Variants in RALGAPA2 observed in about 807,000 individuals in gnomAD.
RALGAPA2 encodes ral GTPase-activating protein subunit alpha-2.
Under a neutral mutation model 230.4 loss-of-function variants are expected in RALGAPA2, and 139 were observed. The observed-to-expected ratio is 0.60, with a 90% CI of 0.53 to 0.69. The LOEUF (loss-of-function observed/expected upper bound fraction) is 0.69, where lower values mean the gene tolerates loss of function less well. Ranked by LOEUF, RALGAPA2 falls within the 30% of genes least tolerant of loss-of-function variation. RALGAPA2 has a pLI of 0.00. For synonymous variants in RALGAPA2, 847 were observed against 837.8 expected, an observed-to-expected ratio of 1.01 and a Z score of -0.19; for missense variants, 2,163 against 2,276.0, an observed-to-expected ratio of 0.95 and a Z score of 1.01.
rs754212626 is a variant in RALGAPA2 at position 20,573,043 on chromosome 20, G to T, written c.2733C>A (p.Asp911Glu). The T allele has an allele frequency of 6.2e-7, 1 of 1,608,886 alleles. No individual in the cohort carries two copies. The highest frequency in any genetic ancestry group is 1.1e-5 in the South Asian group (1 of 89,816). Residue 911 changes from aspartate (D) to glutamate (E), a missense_variant, in exon 21 of 40, where the codon GAC (aspartate) becomes GAA (glutamate). Transcript: ENST00000202677. ...LTDSSECLTD[D>E]CSIIAGGSLT... is the part of the protein sequence containing the mutation. The stretch of plus-strand genomic sequence containing the variant: ...GGCTCCCCCCGGCGATTATACTACA[G>T]TCATCTGTGAGGCACTCGCTGCTAT...
At chr20:20,572,010 C>T (rs1015120013) in intron 21 of RALGAPA2, 64 bp from the exon 22 acceptor site, 2 of 1,142,850 alleles carry the variant, frequency 1.8e-6, no homozygotes, top group Non-Finnish European at 1.3e-6. Context: ...AGTATTTCAA[C>T]AGTCTTCTGT....
intron 34 of RALGAPA2, 87 bp from the exon 35 acceptor site, chr20:20,503,593 AAATT>A (rs1471975717): frequency 6.3e-6 from 7 of 1,107,836 alleles, no homozygotes; most frequent in Admixed American, 4.1e-5. Flanking sequence ...GAAAAAAAAT[AAATT>A]ATTTTCGTTT....
chr20:20,448,873 GA>G (rs199891651), intron 37 of RALGAPA2, among the ~76,000 whole-genome samples: 3,249 of 124,384 alleles, frequency 0.026, 89 homozygotes, highest in East Asian at 0.17. Context: ...AATGTATATT[GA>G]AAAAAAAAAA....
At chr20:20,510,658 A>G (rs2062678009) in intron 33 of RALGAPA2, among the ~76,000 whole-genome samples, 1 of 152,180 alleles carries the variant, frequency 6.6e-6, no homozygotes, top group African/African-American at 2.4e-5. Flanking sequence ...GGAAACACAC[A>G]TTCCCCAAAT....
intron 37 of RALGAPA2, among the ~76,000 whole-genome samples, chr20:20,433,363 C>T (rs986337216): frequency 2.0e-5 from 3 of 152,086 alleles, no homozygotes; most frequent in Admixed American, 6.5e-5. Flanking sequence ...GCTTCTCATA[C>T]AATATCTTAA....
At chr20:20,454,643 G>A (rs1419294274) in intron 37 of RALGAPA2, among the ~76,000 whole-genome samples, 1 of 152,224 alleles carries the variant, frequency 6.6e-6, no homozygotes, top group East Asian at 1.9e-4. Flanking sequence ...GGATGCCACA[G>A]GGGTAGTTCC....
At chr20:20,523,097 G>A (rs1602640994) in intron 30 of RALGAPA2, among the ~76,000 whole-genome samples, 1 of 152,090 alleles carries the variant, frequency 6.6e-6, no homozygotes, top group South Asian at 2.1e-4. Flanking sequence ...CTGTGACTTG[G>A]ACTCTTTTTT....
At chr20:20,461,811 G>A (rs1469935170) in intron 37 of RALGAPA2, among the ~76,000 whole-genome samples, 1 of 152,176 alleles carries the variant, frequency 6.6e-6, no homozygotes, top group African/African-American at 2.4e-5. Context: ...GCACTTCCAG[G>A]CATACATCTG....
At chr20:20,407,490 C>T (rs1312486454) in intron 38 of RALGAPA2, among the ~76,000 whole-genome samples, 1 of 152,210 alleles carries the variant, frequency 6.6e-6, no homozygotes, top group Admixed American at 6.5e-5. Context: ...CTGCATATGG[C>T]GCGGAGGCCT....
chr20:20,406,784 T>C (rs1202752218), intron 38 of RALGAPA2, among the ~76,000 whole-genome samples: 3 of 152,182 alleles, frequency 2.0e-5, no homozygotes, highest in Admixed American at 2.0e-4. Context: ...TGGTGGCTTA[T>C]GCCTGTAGTT....
intron 16 of RALGAPA2, among the ~76,000 whole-genome samples, chr20:20,594,728 CTTTT>C (rs759189397): frequency 1.5e-5 from 2 of 134,028 alleles, no homozygotes; most frequent in African/African-American, 5.5e-5. Flanking sequence ...CTATTACTTT[CTTTT>C]TTTTTTTTTT....
chr20:20,705,289 C>T (rs546331401), intron 1 of RALGAPA2, among the ~76,000 whole-genome samples: 30 of 152,250 alleles, frequency 2.0e-4, no homozygotes, highest in African/African-American at 6.5e-4. Context: ...TCACTGTAGC[C>T]TTGACCTTCT....
At chr20:20,513,339 T>C in intron 31 of RALGAPA2, 55 bp from the exon 32 acceptor site, 2 of 1,174,358 alleles carry the variant, frequency 1.7e-6, no homozygotes, top group Admixed American at 3.5e-5. Flanking sequence ...AGATTAAAAC[T>C]CAACACCTTT....
At position 20,498,381 on chromosome 20, in the gene RALGAPA2, C is replaced by G. The variant is rs144563532; in HGVS notation, c.5209-3106G>C. ...TCTTAAGAAATCAATCCCGGACCCA[C>G]AACTTTTCATCCTAACAGAGTTTTA... On this transcript the variant is annotated intron_variant, in intron 35 of 39. Coordinates refer to ENST00000202677, the MANE Select transcript of RALGAPA2 (RefSeq NM_020343.4). Among the ~76,000 whole-genome samples, 60 of 152,354 alleles carry G rather than the reference C, an allele frequency of 3.9e-4. No individual in the cohort carries two copies. In the East Asian group the frequency reaches 0.011, roughly 27 times the overall value.
Position 20,392,399 on chromosome 20 carries a change from C to T in RALGAPA2, c.*890G>A, listed in dbSNP as rs1284829007. 2 of 152,236 alleles carry T rather than the reference C, an allele frequency of 1.3e-5. No homozygotes were observed. The highest frequency in any genetic ancestry group is 2.9e-5 in the Non-Finnish European group (2 of 68,076). The allele number at this position is 152,236 out of a possible 1,614,324, so 9.4% of individuals were successfully genotyped here. ...AGGCTTTTGGAGGCACAAGGCCATT[C>T]GGGGGGTACCCGTCTCAGCCTAGCG... is the stretch of plus-strand genomic sequence containing the variant. On this transcript the variant is annotated 3_prime_UTR_variant, in exon 40 of 40. Coordinates refer to ENST00000202677, the MANE Select transcript of RALGAPA2 (RefSeq NM_020343.4).
rs16982081 is a variant in RALGAPA2, at chr20:20,699,442, T to C, written c.106+12933A>G. Among the ~76,000 whole-genome samples, 1,121 of 152,318 alleles carry C rather than the reference T, an allele frequency of 7.4e-3. 11 individuals are homozygous for C. The highest frequency in any genetic ancestry group is 0.026 in the African/African-American group (1,063 of 41,554). On this transcript the variant is annotated intron_variant, in intron 1 of 39. Coordinates refer to ENST00000202677, the MANE Select transcript of RALGAPA2 (RefSeq NM_020343.4). Reference sequence around the variant, plus strand: ...TGCATCCTCATCTTATTAGATACTATAGAGTCCATGGAATCGAGAGAGAGT... The same window carrying C: ...TGCATCCTCATCTTATTAGATACTACAGAGTCCATGGAATCGAGAGAGAGT...
chr20:20,559,092 C>T (rs2064175867), intron 23 of RALGAPA2, among the ~76,000 whole-genome samples: 1 of 152,148 alleles, frequency 6.6e-6, no homozygotes, highest in African/African-American at 2.4e-5. Flanking sequence ...TGATTATTAT[C>T]CATTCTTTTC....
intron 26 of RALGAPA2, among the ~76,000 whole-genome samples, chr20:20,534,384 G>A (rs1024332613): frequency 6.6e-6 from 1 of 151,836 alleles, no homozygotes; most frequent in Non-Finnish European, 1.5e-5. Flanking sequence ...GGTGGAGTTT[G>A]CAGTGAGCCG....
intron 37 of RALGAPA2, among the ~76,000 whole-genome samples, chr20:20,416,718 G>A (rs1188248327): frequency 2.6e-5 from 4 of 152,014 alleles, no homozygotes; most frequent in East Asian, 1.9e-4. Flanking sequence ...TTACTCATTC[G>A]GGCTATGTGT....
Sources: allele counts gnomAD v4.1 joint callset (sites outside exome capture counted in the v4.1 genomes callset), GRCh38; gene constraint gnomAD v4.1.1; transcripts MANE v1.5; gene names NCBI Gene and HGNC (gene_info 2026-07-23, HGNC 2026-07-21).